DRC3: variants seen among roughly 807,000 people sequenced by gnomAD.
DRC3 encodes leucine rich repeat containing 48.
A neutral mutation model predicts 57.6 loss-of-function variants in DRC3; 45 were observed. The observed-to-expected ratio is 0.78, with a 90% CI of 0.62 to 1.00. The LOEUF is 1.00. Ranked by LOEUF, DRC3 falls within the 50% of genes least tolerant of loss-of-function variation. The pLI, the probability that DRC3 is intolerant of heterozygous loss-of-function variation, is 0.00. For missense variants in DRC3, 655 were observed against 675.2 expected (o/e 0.97, Z 0.33); for synonymous variants, 257 against 272.3 (o/e 0.94, Z 0.55).
Position 17,992,874 on chromosome 17 carries a change from T to C in DRC3, c.554T>C (p.Leu185Pro), listed in dbSNP as rs371901047. 2 of 1,613,866 alleles carry C rather than the reference T, an allele frequency of 1.2e-6. No individual in the cohort carries two copies. Among genetic ancestry groups the C allele is most frequent in the Non-Finnish European group, 8.5e-7 (1 of 1,179,874 alleles). The change falls in exon 6 of 14, where the codon CTC (leucine) becomes CCC (proline). Residue 185 changes from leucine (L) to proline (P), a missense_variant. Leu to Pro is a moderately conservative substitution (Grantham distance 98). Transcript: ENST00000399187. ...KMFICAYLPD[L>P]MYLDYRRIDD... ...TTCATCTGTGCCTACCTTCCTGACC[T>C]CATGTACCTGGACTACCGGCGCATT...
At chr17:17,987,132 T>G (rs1025621814) in intron 4 of DRC3, among the ~76,000 whole-genome samples, 1 of 148,462 alleles carries the variant, frequency 6.7e-6, no homozygotes, top group Non-Finnish European at 1.5e-5. Context: ...GGAGGATCAC[T>G]TGAACCCAGG....
Position 18,003,990 on chromosome 17 carries a change from C to T in DRC3, c.1000-373C>T, listed in dbSNP as rs576378199. Among the ~76,000 whole-genome samples, 14 of 152,060 alleles carry T rather than the reference C, an allele frequency of 9.2e-5. No homozygotes were observed. The East Asian group carries it at 2.5e-3, about 27-fold the overall frequency. ...ACTCAAAATAATCACTATGCCAAAG[C>T]GGCATATTTTGGTGTGAAATGCTCT... On this transcript the variant is annotated intron_variant, in intron 9 of 13. Transcript: ENST00000399187.
chr17:18,016,047 T>C lies in DRC3; in HGVS notation c.1327-17T>C. Reference sequence around the variant, plus strand: ...TAATGACACACACTTTCTCATTGGATTCTTTTCACTCACCAGCTTTTTGTC... The same window carrying C: ...TAATGACACACACTTTCTCATTGGACTCTTTTCACTCACCAGCTTTTTGTC... On this transcript the variant is annotated splice_polypyrimidine_tract_variant and intron_variant, in intron 12 of 13. Coordinates refer to ENST00000399187, the MANE Select transcript of DRC3 (RefSeq NM_031294.4). The C allele has an allele frequency of 6.2e-7, 1 of 1,612,434 alleles. No homozygotes were observed. Among genetic ancestry groups the C allele is most frequent in the Non-Finnish European group, 8.5e-7 (1 of 1,178,596 alleles).
intron 13 of DRC3, 89 bp downstream of exon 13, chr17:18,016,284 T>C (rs2044360947): frequency 7.3e-7 from 1 of 1,365,172 alleles, no homozygotes; most frequent in African/African-American, 1.4e-5. Context: ...AGAATTTTCA[T>C]TAAGGAATGA....
At chr17:17,979,985 AAGGCAGCAATCCAGCTCTAAGG>A in intron 3 of DRC3, among the ~76,000 whole-genome samples, 1 of 150,508 alleles carries the variant, frequency 6.6e-6, no homozygotes, top group Non-Finnish European at 1.5e-5. Flanking sequence ...GGATAGGTGC[AAGGCAGCAATCCAGCTCTAAGG>A]GAAGGGCAGT....
Position 18,007,158 on chromosome 17 carries a change from C to CGGGCGGCGCCGG in DRC3, c.1326+15_1326+16insGGCGCCGGGGGC. 1.0e-6 allele frequency: 1 copy of CGGGCGGCGCCGG among 993,938 alleles called. No individual in the cohort carries two copies. The highest frequency in any genetic ancestry group is 1.4e-6 in the Non-Finnish European group (1 of 704,810). The allele number at this position is 993,938 out of a possible 1,614,324, so 61.6% of individuals were successfully genotyped here. Reference sequence around the variant, plus strand: ...AACGACCTGCGCGCGGTAGGCGGGGCGGGCTGCTCGGAGCCTGACAGATGT... The same window carrying CGGGCGGCGCCGG: ...AACGACCTGCGCGCGGTAGGCGGGGCGGGCGGCGCCGGGGGCTGCTCGGAGCCTGACAGATGT... On this transcript the variant is annotated intron_variant, in intron 12 of 13. Coordinates refer to ENST00000399187, the MANE Select transcript of DRC3 (RefSeq NM_031294.4).
intron 1 of DRC3, chr17:17,973,596 CTTTT>C (rs1001128576): frequency 6.7e-6 from 1 of 150,284 alleles, no homozygotes; most frequent in Admixed American, 6.6e-5. Context: ...TGATTTTATT[CTTTT>C]TTAAGAAAAA....
intron 9 of DRC3, among the ~76,000 whole-genome samples, chr17:17,998,188 TA>T (rs1271294303): frequency 1.3e-5 from 2 of 152,006 alleles, no homozygotes; most frequent in Non-Finnish European, 2.9e-5. Context: ...GGGGGTGCCC[TA>T]GGGGCGCCTT....
intron 5 of DRC3, among the ~76,000 whole-genome samples, chr17:17,988,927 G>A (rs188943286): frequency 3.0e-4 from 46 of 152,274 alleles, no homozygotes; most frequent in Admixed American, 2.2e-3. Context: ...CAAGGGTCAA[G>A]CCTTCTATGC....
intron 9 of DRC3, among the ~76,000 whole-genome samples, chr17:18,000,244 G>T (rs555348597): frequency 8.0e-6 from 1 of 125,212 alleles, no homozygotes; most frequent in Non-Finnish European, 1.6e-5. Flanking sequence ...TTGCTTTCAC[G>T]TGAGTGTGTG....
chr17:18,003,802 C>T (rs2043842287), intron 9 of DRC3, among the ~76,000 whole-genome samples: 1 of 129,378 alleles, frequency 7.7e-6, no homozygotes, highest in East Asian at 3.5e-4. Flanking sequence ...GCCACCATGC[C>T]TGGCTAATTT....
At chr17:17,993,059 AC>A in intron 6 of DRC3, 148 bp downstream of exon 6, 1 of 797,892 alleles carries the variant, frequency 1.3e-6, no homozygotes, top group Non-Finnish European at 2.0e-6. Context: ...CCTTTACCTG[AC>A]TCTGTCAGAG....
intron 9 of DRC3, 130 bp downstream of exon 9, chr17:17,997,764 C>T (rs953711391): frequency 2.3e-6 from 2 of 876,776 alleles, no homozygotes; most frequent in African/African-American, 1.8e-5. Flanking sequence ...GGTTATTGTC[C>T]CCATTTGCCA....
Position 17,983,813 on chromosome 17 carries a change from C to T in DRC3, c.161-15C>T. 6.4e-7 allele frequency: 1 copy of T among 1,573,430 alleles called. No individual in the cohort carries two copies. Among genetic ancestry groups the T allele is most frequent in the Non-Finnish European group, 8.7e-7 (1 of 1,143,814 alleles). ...GACCCTAACCTGAGACTGAAATCAC[C>T]TTCCATTATTTCAGACATCCTCCGC... On this transcript the variant is annotated splice_polypyrimidine_tract_variant and intron_variant, in intron 3 of 13. Coordinates refer to ENST00000399187, the MANE Select transcript of DRC3 (RefSeq NM_031294.4).
chr17:17,991,816 T>C (rs1319269299), intron 5 of DRC3, among the ~76,000 whole-genome samples: 2 of 152,190 alleles, frequency 1.3e-5, no homozygotes. Context: ...ATTTAAGATA[T>C]TTGTACCTTC....
chr17:17,974,032 T>C (rs1197644596), intron 2 of DRC3, 70 bp downstream of exon 2: 1 of 152,280 alleles, frequency 6.6e-6, no homozygotes, highest in Non-Finnish European at 1.5e-5. Flanking sequence ...GTTTGGGCCT[T>C]GGCCCTGAAC....
chr17:18,016,124 C>G lies in DRC3; in HGVS notation c.1387C>G (p.Leu463Val), dbSNP rs748163277. Residue 463 changes from leucine to valine, a missense_variant, in exon 13 of 14, where the codon CTG (leucine) becomes GTG (valine). Leu to Val is a conservative substitution (Grantham distance 32). Transcript: ENST00000399187. ...AVGASHDIHL[L>V]KIDNREDELV... ...CGGGGCATCGCACGACATCCACCTC[C>G]TGAAGATTGACAATCGAGAAGATGA... 1.3e-5 allele frequency: 21 copies of G among 1,613,836 alleles called. No individual in the cohort carries two copies. Among genetic ancestry groups the G allele is most frequent in the Non-Finnish European group, 1.7e-5 (20 of 1,179,858 alleles).
rs759800124 is a variant in DRC3, at chr17:18,004,482, G to A, written c.1119G>A (p.Val373=). 11 of 1,610,656 alleles carry A rather than the reference G, an allele frequency of 6.8e-6. 1 individual carries two copies. In the South Asian group the frequency reaches 1.2e-4, roughly 18 times the overall value. The change falls in exon 10 of 14, where the codon GTG becomes GTA. Residue 373 remains valine, a synonymous_variant. Transcript: ENST00000399187. ...TCATGACGCTGGAGATGCAGCTGGT[G>A]GAGCAGCTGGAGGTAAGGCTGGGCC... ...DALMTLEMQL[V]EQLEETINMF...
At chr17:17,988,218 T>A in intron 5 of DRC3, 120 bp downstream of exon 5, 1 of 1,116,522 alleles carries the variant, frequency 9.0e-7, no homozygotes, top group Non-Finnish European at 1.2e-6. Flanking sequence ...CTCATTTTCC[T>A]GGAAAAGCCA....
Sources: gnomAD v4.1 joint callset for allele counts (sites outside exome capture counted in the v4.1 genomes callset) on GRCh38, gnomAD v4.1.1 for gene constraint, MANE v1.5 for transcripts, NCBI Gene and HGNC (gene_info 2026-07-23, HGNC 2026-07-21) for gene names.